RBM5: variants seen among roughly 807,000 people sequenced by gnomAD.
The protein encoded by RBM5 is RNA binding motif protein 5.
In RBM5, 15 loss-of-function variants were observed where a neutral mutation model predicts 124.6. The observed-to-expected ratio is 0.12, with a 90% CI of 0.08 to 0.19. The LOEUF (loss-of-function observed/expected upper bound fraction) is 0.19, where lower values mean the gene tolerates loss of function less well. RBM5 is among the 10% of genes least tolerant of loss of function. The pLI is 1.00. For synonymous variants in RBM5, 337 were observed against 361.2 expected, an observed-to-expected ratio of 0.93 and a Z score of 0.76; for missense variants, 580 against 1,026.5, an observed-to-expected ratio of 0.57 and a Z score of 5.94.
chr3:50,090,569 C>T lies in RBM5; in HGVS notation c.17+118C>T. 7.8e-6 allele frequency: 9 copies of T among 1,149,282 alleles called. No homozygotes were observed. The Admixed American group carries it at 1.3e-4, about 17-fold the overall frequency. The allele number at this position is 1,149,282 out of a possible 1,614,324, so 71.2% of individuals were successfully genotyped here. A position where few individuals can be genotyped will look rare whatever the true frequency, so the allele number is the denominator to read the frequency against. On this transcript the variant is annotated intron_variant, in intron 2 of 24. Transcript: ENST00000347869. ...TTTTGCGCCAGGCATTGCTAACGAACACCTTTATGATCCTGTTGTCACAAA... is the reference window on the plus strand; with the variant it reads ...TTTTGCGCCAGGCATTGCTAACGAATACCTTTATGATCCTGTTGTCACAAA...
intron 4 of RBM5, among the ~76,000 whole-genome samples, chr3:50,098,003 G>A (rs980149620): frequency 1.3e-5 from 2 of 151,978 alleles, no homozygotes; most frequent in Non-Finnish European, 2.9e-5. Context: ...TTGAGGCTGA[G>A]GCAGAATTGC....
At chr3:50,091,093 CT>C (rs2090693317) in intron 2 of RBM5, among the ~76,000 whole-genome samples, 1 of 152,176 alleles carries the variant, frequency 6.6e-6, no homozygotes, top group South Asian at 2.1e-4. Context: ...AGCCATCTGC[CT>C]TTTTAGTATT....
At chr3:50,105,516 C>T in intron 9 of RBM5, 33 bp from the exon 10 acceptor site, 1 of 1,600,520 alleles carries the variant, frequency 6.2e-7, no homozygotes. Flanking sequence ...GGTGGGAATG[C>T]ATGTGTATGT....
intron 1 of RBM5, 41 bp from the exon 2 acceptor site, chr3:50,090,341 A>G (rs2090681946): frequency 2.1e-6 from 3 of 1,413,580 alleles, no homozygotes; most frequent in Admixed American, 3.6e-5. Context: ...GACTTAAGTG[A>G]TCTCTGAGAT....
chr3:50,091,953 C>A, intron 2 of RBM5, 90 bp from the exon 3 acceptor site: 1 of 1,373,980 alleles, frequency 7.3e-7, no homozygotes, highest in Non-Finnish European at 1.0e-6. Flanking sequence ...ATCTTATAAA[C>A]TGATCTGTGG....
chr3:50,109,730 G>A (rs753980281), intron 15 of RBM5, 42 bp downstream of exon 15: 1 of 1,550,524 alleles, frequency 6.4e-7, no homozygotes, highest in South Asian at 1.1e-5. Context: ...GGCTGATGGG[G>A]AAATTTTGTT....
chr3:50,106,831 C>G lies in RBM5; in HGVS notation c.920C>G (p.Thr307Ser), dbSNP rs772482491. ...CCTCCTTTGAAAATTGATGGCAAAA[C>G]TATTGGGGTTGATTTTGCAAAAAGT... ...LHPPLKIDGK[T>S]IGVDFAKSAR... The change falls in exon 11 of 25, where the codon ACT becomes AGT. Residue 307 changes from threonine (T) to serine (S), a missense_variant. By Grantham distance (58) the Thr-to-Ser change is moderately conservative (BLOSUM62 1). Transcript: ENST00000347869. The G allele has an allele frequency of 1.2e-6, 2 of 1,612,812 alleles. No homozygotes were observed. Among genetic ancestry groups the G allele is most frequent in the Non-Finnish European group, 1.7e-6 (2 of 1,178,792 alleles).
intron 21 of RBM5, 140 bp from the exon 22 acceptor site, chr3:50,115,766 A>C: frequency 8.5e-7 from 1 of 1,174,318 alleles, no homozygotes; most frequent in Non-Finnish European, 1.2e-6. Flanking sequence ...GCAGCTCCAC[A>C]CACATCAAAC....
chr3:50,116,138 C>T (rs1009721210), intron 22 of RBM5, 158 bp downstream of exon 22: 1 of 662,848 alleles, frequency 1.5e-6, no homozygotes, highest in African/African-American at 1.8e-5. Flanking sequence ...GACCCAGCCT[C>T]TGTGTGCCTT....
chr3:50,094,830 C>T (rs1376850304), intron 4 of RBM5, among the ~76,000 whole-genome samples: 1 of 152,180 alleles, frequency 6.6e-6, no homozygotes, highest in African/African-American at 2.4e-5. Context: ...GGTTGCTCAA[C>T]CTGTATCTAT....
chr3:50,115,216 CAAG>C lies in RBM5; in HGVS notation c.1840-208_1840-206del. 3 of 526,436 alleles carry C rather than the reference CAAG, an allele frequency of 5.7e-6. No individual in the cohort carries two copies. The South Asian group carries it at 7.8e-5, about 14-fold the overall frequency. 32.6% of individuals were successfully genotyped at this position (526,436 alleles called of 1,614,324 possible). A position where few individuals can be genotyped will look rare whatever the true frequency, so the allele number is the denominator to read the frequency against. ...ACCCAGGAATCCATTTCTTAGGCTC[CAAG>C]AAGGTTGGTACCAGGAGGCTGTCAG... is the stretch of plus-strand genomic sequence containing the variant. On this transcript the variant is annotated intron_variant, in intron 20 of 24. Transcript: ENST00000347869.
At chr3:50,095,812 T>C (rs990042792) in intron 4 of RBM5, among the ~76,000 whole-genome samples, 1 of 152,082 alleles carries the variant, frequency 6.6e-6, no homozygotes. Context: ...CCCCAACCCT[T>C]GAACACAGTA....
At chr3:50,112,081 TC>T (rs1166770904) in intron 17 of RBM5, 1 of 143,010 alleles carries the variant, frequency 7.0e-6, no homozygotes, top group African/African-American at 2.6e-5. Flanking sequence ...TTTTTTTTTT[TC>T]CCGTCAGTTC....
intron 17 of RBM5, chr3:50,111,964 C>G (rs1284653058): frequency 6.6e-6 from 1 of 151,628 alleles, no homozygotes; most frequent in Non-Finnish European, 1.5e-5. Flanking sequence ...AAGTGTGAAG[C>G]TGTGTGTGAC....
intron 3 of RBM5, 118 bp from the exon 4 acceptor site, chr3:50,093,602 C>A: frequency 8.6e-7 from 1 of 1,156,512 alleles, no homozygotes; most frequent in Non-Finnish European, 1.2e-6. Flanking sequence ...TGAACATTAC[C>A]ATGGAGTGCT....
At position 50,111,621 on chromosome 3, in the gene RBM5, C is replaced by T. The variant is rs571970461; in HGVS notation, c.1455+851C>T. ...AACTCCTGACCTTAAGTGATCCACC[C>T]GCCTCAGCCTCCAAAGTGCCAGGAT... On this transcript the variant is annotated intron_variant, in intron 17 of 24. Coordinates refer to ENST00000347869, the MANE Select transcript of RBM5 (RefSeq NM_005778.4). 5.3e-5 allele frequency among the ~76,000 whole-genome samples: 8 copies of T among 152,178 alleles called. No homozygotes were observed. In the East Asian group the frequency reaches 5.8e-4, roughly 11 times the overall value.
At chr3:50,101,095 A>G (rs2090929944) in intron 6 of RBM5, 1 of 152,992 alleles carries the variant, frequency 6.5e-6, no homozygotes, top group Non-Finnish European at 1.5e-5. Flanking sequence ...GAATTTATGA[A>G]CAATAAGTCT....
At chr3:50,116,121 T>C (rs1575339943) in intron 22 of RBM5, 141 bp downstream of exon 22, 1 of 774,614 alleles carries the variant, frequency 1.3e-6, no homozygotes, top group Non-Finnish European at 2.2e-6. Flanking sequence ...GTAGTTCATG[T>C]AGCCTAGACC....
intron 12 of RBM5, 102 bp downstream of exon 12, chr3:50,107,671 T>TA: frequency 7.2e-6 from 3 of 417,314 alleles, no homozygotes; most frequent in Non-Finnish European, 1.2e-5. Context: ...TCTTTTCTTT[T>TA]CTTTTTTTTT....
Sources: allele counts gnomAD v4.1 joint callset (sites outside exome capture counted in the v4.1 genomes callset), GRCh38; gene constraint gnomAD v4.1.1; transcripts MANE v1.5; gene names NCBI Gene and HGNC (gene_info 2026-07-23, HGNC 2026-07-21).